ADAMTS14: variants seen among roughly 807,000 people sequenced by gnomAD.
ADAMTS14 encodes the protein A disintegrin and metalloproteinase with thrombospondin motifs 14.
Under a neutral mutation model 128.6 loss-of-function variants are expected in ADAMTS14, and 100 were observed. The ratio of observed to expected loss-of-function variants is 0.78; its 90% CI spans 0.66 to 0.92. The LOEUF (loss-of-function observed/expected upper bound fraction) is 0.92, where lower values mean the gene tolerates loss of function less well. Among genes scored for constraint, ADAMTS14 ranks in the 40% least tolerant of loss-of-function variants. The pLI is 0.00. For synonymous variants in ADAMTS14, 665 were observed against 653.8 expected (o/e 1.02, Z -0.26); for missense variants, 1,562 against 1,658.6 (o/e 0.94, Z 1.01).
At position 70,741,149 on chromosome 10, in the gene ADAMTS14, C is replaced by A. The variant is rs762790450; in HGVS notation, c.1911C>A (p.Tyr637Ter). 3.7e-6 allele frequency: 6 copies of A among 1,612,864 alleles called. No individual in the cohort carries two copies. The South Asian group carries it at 6.6e-5, about 18-fold the overall frequency. ...ATGCCAAGCACAGCTGGGTGCCCTA[C>A]GAGCCTGACGATGGTGAGTGGGCCC... ...HQNAKHSWVP[Y>*]EPDDDAQKCE... Residue 637 changes from tyrosine (Y) to a stop codon, truncating the protein, a stop_gained, in exon 12 of 22, where the codon TAC becomes TAA. Coordinates refer to ENST00000373207, the MANE Select transcript of ADAMTS14 (RefSeq NM_080722.4). LOFTEE classifies it high-confidence loss of function.
chr10:70,674,065 C>T (rs1290768982), intron 1 of ADAMTS14, among the ~76,000 whole-genome samples: 1 of 152,138 alleles, frequency 6.6e-6, no homozygotes, highest in Admixed American at 6.5e-5. Flanking sequence ...TTGACACGTG[C>T]CCATGGTCCC....
At chr10:70,716,763 C>T (rs1421547788) in intron 4 of ADAMTS14, among the ~76,000 whole-genome samples, 1 of 152,088 alleles carries the variant, frequency 6.6e-6, no homozygotes, top group African/African-American at 2.4e-5. Flanking sequence ...ATGGATGGTC[C>T]CATTGTGCTC....
At chr10:70,728,104 A>C (rs997010937) in intron 4 of ADAMTS14, among the ~76,000 whole-genome samples, 45 of 151,902 alleles carry the variant, frequency 3.0e-4, no homozygotes, top group Non-Finnish European at 4.7e-4. Flanking sequence ...TCAAAAAAAA[A>C]AAAAAAAATC....
chr10:70,760,060 G>T (rs1842568954), intron 21 of ADAMTS14, among the ~76,000 whole-genome samples: 1 of 151,804 alleles, frequency 6.6e-6, no homozygotes, highest in Admixed American at 6.6e-5. Context: ...AATAGGGCTG[G>T]GTGGTGCTGG....
At chr10:70,743,521 G>C (rs781504810) in intron 12 of ADAMTS14, 27 bp from the exon 13 acceptor site, 1 of 1,603,648 alleles carries the variant, frequency 6.2e-7, no homozygotes, top group South Asian at 1.1e-5. Context: ...CCCAGCTGGG[G>C]ACTCAGCATA....
intron 2 of ADAMTS14, among the ~76,000 whole-genome samples, chr10:70,691,565 A>C (rs1840191308): frequency 9.4e-6 from 1 of 106,796 alleles, no homozygotes; most frequent in African/African-American, 2.7e-5. Flanking sequence ...CTGTTCTCCA[A>C]GGTGCTGGAG....
At chr10:70,736,442 G>A (rs991906443) in intron 9 of ADAMTS14, among the ~76,000 whole-genome samples, 2 of 152,116 alleles carry the variant, frequency 1.3e-5, no homozygotes, top group South Asian at 2.1e-4. Context: ...GAGAGAGAAC[G>A]ACAAGAGCAT....
At chr10:70,697,172 C>A (rs1840354497) in intron 2 of ADAMTS14, among the ~76,000 whole-genome samples, 1 of 152,246 alleles carries the variant, frequency 6.6e-6, no homozygotes, top group South Asian at 2.1e-4. Flanking sequence ...TCTGGGGAAG[C>A]CCCAGATAGG....
rs35207654 is a variant in ADAMTS14 at position 70,752,125 on chromosome 10, G to A, written c.2627G>A (p.Arg876His). 1.8e-4 allele frequency: 295 copies of A among 1,613,062 alleles called. No homozygotes were observed. The highest frequency in any genetic ancestry group is 2.1e-4 in the Non-Finnish European group (244 of 1,179,922). ...CAGTTCACCAAATACGGCTGCCGGC[G>A]CAGACGAGACCACCACATGGTGCAG... ...GIQFTKYGCR[R>H]RRDHHMVQRH... is the part of the protein sequence containing the mutation. Residue 876 changes from arginine to histidine, a missense_variant, in exon 18 of 22, where the codon CGC (arginine) becomes CAC (histidine). Transcript: ENST00000373207.
At chr10:70,737,431 C>T (rs1841861723) in intron 10 of ADAMTS14, among the ~76,000 whole-genome samples, 1 of 152,216 alleles carries the variant, frequency 6.6e-6, no homozygotes, top group African/African-American at 2.4e-5. Context: ...AACACCTGAC[C>T]AACCTCAGGG....
At position 70,730,244 on chromosome 10, in the gene ADAMTS14, C is replaced by A; in HGVS notation, c.1097C>A (p.Pro366His). ...TTCCTCACCCGGCAGGACTTTGGGC[C>A]CTCAGGTATGCAAGGTACTGTATTT... is the stretch of plus-strand genomic sequence containing the variant. ...VVFLTRQDFGPSGYAPVTGMC... is the reference protein window; with the variant it reads ...VVFLTRQDFGHSGYAPVTGMC... The change falls in exon 6 of 22, where the codon CCC becomes CAC. Residue 366 changes from proline (P) to histidine (H), a missense_variant. Transcript: ENST00000373207. The A allele has an allele frequency of 6.2e-7, 1 of 1,613,858 alleles. No individual in the cohort carries two copies. Among genetic ancestry groups the A allele is most frequent in the South Asian group, 1.1e-5 (1 of 91,050 alleles).
At chr10:70,708,183 G>A (rs537689762) in intron 3 of ADAMTS14, among the ~76,000 whole-genome samples, 1 of 152,222 alleles carries the variant, frequency 6.6e-6, no homozygotes, top group South Asian at 2.1e-4. Context: ...CTCCTTTATG[G>A]AGATATTGCC....
At chr10:70,718,418 T>C (rs1841126509) in intron 4 of ADAMTS14, among the ~76,000 whole-genome samples, 2 of 152,122 alleles carry the variant, frequency 1.3e-5, no homozygotes, top group Admixed American at 1.3e-4. Context: ...GAGACGGAGT[T>C]TCACTGTTGC....
chr10:70,714,245 G>A (rs1386755544), intron 4 of ADAMTS14, among the ~76,000 whole-genome samples: 1 of 152,156 alleles, frequency 6.6e-6, no homozygotes, highest in Non-Finnish European at 1.5e-5. Flanking sequence ...TTGTTTTTGA[G>A]CAACCACTGG....
intron 10 of ADAMTS14, among the ~76,000 whole-genome samples, chr10:70,738,405 C>A (rs1332911737): frequency 6.6e-6 from 1 of 152,206 alleles, no homozygotes; most frequent in Non-Finnish European, 1.5e-5. Context: ...ACAGACCTCC[C>A]TGCATGGCTG....
intron 2 of ADAMTS14, among the ~76,000 whole-genome samples, chr10:70,695,692 G>A (rs1455038352): frequency 2.0e-5 from 3 of 152,246 alleles, no homozygotes; most frequent in Non-Finnish European, 4.4e-5. Flanking sequence ...AGTGGGTCTG[G>A]AAGTCAAACC....
At chr10:70,678,035 G>GA (rs1174189679) in intron 2 of ADAMTS14, among the ~76,000 whole-genome samples, 1 of 152,226 alleles carries the variant, frequency 6.6e-6, no homozygotes, top group Non-Finnish European at 1.5e-5. Flanking sequence ...TAAAGAAAAT[G>GA]AAAGTGACAC....
chr10:70,730,321 G>A, intron 6 of ADAMTS14, 72 bp downstream of exon 6: 7 of 1,538,544 alleles, frequency 4.5e-6, no homozygotes, highest in Non-Finnish European at 6.2e-6. Context: ...TGGGCCTGGA[G>A]GCAGATGGGC....
intron 11 of ADAMTS14, among the ~76,000 whole-genome samples, chr10:70,739,567 C>A (rs1444725005): frequency 6.6e-6 from 1 of 151,992 alleles, no homozygotes; most frequent in Non-Finnish European, 1.5e-5. Context: ...CCATCTCCAT[C>A]TCCAAGCAGA....
Sources: allele counts gnomAD v4.1 joint callset (sites outside exome capture counted in the v4.1 genomes callset), GRCh38; gene constraint gnomAD v4.1.1; transcripts MANE v1.5; gene names NCBI Gene and HGNC (gene_info 2026-07-23, HGNC 2026-07-21).